Variants in CNTNAP3B observed in about 807,000 individuals in gnomAD.
The protein encoded by CNTNAP3B is contactin associated protein family member 3B.
CNTNAP3B carries 25 observed loss-of-function variants against 108.9 expected under a neutral mutation model. The ratio of observed to expected loss-of-function variants is 0.23; its 90% CI spans 0.17 to 0.32. The LOEUF (loss-of-function observed/expected upper bound fraction) is 0.32. Ranked by LOEUF, CNTNAP3B falls within the 10% of genes least tolerant of loss-of-function variation. The probability of loss-of-function intolerance (pLI) is 1.00; values close to 1 mark genes in which losing one functional copy is unlikely to be tolerated. For missense variants in CNTNAP3B, 252 were observed against 1,210.4 expected (o/e 0.21, Z 11.75); for synonymous variants, 103 against 473.4 (o/e 0.22, Z 10.16).
chr9:42,104,200 T>C (rs752249641), intron 2 of CNTNAP3B, among the ~76,000 whole-genome samples: 655 of 104,872 alleles, frequency 6.2e-3, no homozygotes, highest in East Asian at 8.5e-3. Flanking sequence ...TTCTTAAACG[T>C]TTCTTTACTT....
intron 13 of CNTNAP3B, among the ~76,000 whole-genome samples, chr9:41,947,261 T>C (rs1306826821): frequency 6.6e-6 from 1 of 151,994 alleles, no homozygotes; most frequent in East Asian, 1.9e-4. Flanking sequence ...ACCATATCCC[T>C]GGGAGCCAAA....
rs1489114718 is a variant in CNTNAP3B at position 42,111,522 on chromosome 9, A to C, written c.86-6783T>G. ...GCATAGACAGAGCTGCCCAAGAATG[A>C]GGCCAGTTGTAGATGAAAATAAAAC... On this transcript the variant is annotated intron_variant, in intron 1 of 23. Transcript: ENST00000377561. Among the ~76,000 whole-genome samples, 3 of 138,480 alleles carry C rather than the reference A, an allele frequency of 2.2e-5. 1 individual carries two copies. Among genetic ancestry groups the C allele is most frequent in the African/African-American group, 8.6e-5 (3 of 34,830 alleles). 90.8% of individuals were successfully genotyped at this position (138,480 alleles called of 152,430 possible). A position where few individuals can be genotyped will look rare whatever the true frequency, so the allele number is the denominator to read the frequency against.
In CNTNAP3B at chr9:42,106,157, A is replaced by G. The variant is rs370479233; in HGVS notation, c.86-1418T>C. 9.7e-3 allele frequency among the ~76,000 whole-genome samples: 24 copies of G among 2,486 alleles called. 1 individual carries two copies. The highest frequency in any genetic ancestry group is 0.054 in the Non-Finnish European group (13 of 240). 1.6% of individuals were successfully genotyped at this position (2,486 alleles called of 152,430 possible). On this transcript the variant is annotated intron_variant, in intron 1 of 23. Coordinates refer to ENST00000377561, the MANE Select transcript of CNTNAP3B (RefSeq NM_001201380.3). ...TACTGGAATTATATCTGCTTTTCTA[A>G]AAGCATGCATTACCATTAAGACAGT...
chr9:41,923,125 TC>T (rs1187205031), intron 16 of CNTNAP3B, among the ~76,000 whole-genome samples: 1 of 127,562 alleles, frequency 7.8e-6, no homozygotes, highest in Non-Finnish European at 1.7e-5. Context: ...CCTTGTTAAG[TC>T]CTAAATAGTA....
At chr9:41,961,313 C>T (rs1272342974) in intron 11 of CNTNAP3B, among the ~76,000 whole-genome samples, 1 of 152,294 alleles carries the variant, frequency 6.6e-6, no homozygotes, top group Non-Finnish European at 1.5e-5. Context: ...TTTTCTTTTG[C>T]TTTTAGGCAA....
Position 42,080,136 on chromosome 9 carries a change from C to T in CNTNAP3B, c.197-3074G>A, listed in dbSNP as rs577933884. 1.3e-4 allele frequency among the ~76,000 whole-genome samples: 18 copies of T among 134,880 alleles called. 2 individuals are homozygous for T. The East Asian group carries it at 2.3e-3, about 17-fold the overall frequency. 88.5% of individuals were successfully genotyped at this position (134,880 alleles called of 152,430 possible). The stretch of plus-strand genomic sequence containing the variant: ...GAGTTGACACGGTTCTGGTGTGCTA[C>T]CCTGGGATGGTGTGTTTTCATTAGA... On this transcript the variant is annotated intron_variant, in intron 2 of 23. Coordinates refer to ENST00000377561, the MANE Select transcript of CNTNAP3B (RefSeq NM_001201380.3).
intron 2 of CNTNAP3B, among the ~76,000 whole-genome samples, chr9:42,080,512 C>T (rs1330858667): frequency 7.3e-6 from 1 of 137,588 alleles, no homozygotes; most frequent in African/African-American, 2.9e-5. Flanking sequence ...CTGGATAGCA[C>T]TAATCTGTGT....
At chr9:41,977,239 T>A (rs1240745003) in intron 9 of CNTNAP3B, among the ~76,000 whole-genome samples, 2 of 151,522 alleles carry the variant, frequency 1.3e-5, no homozygotes, top group African/African-American at 4.9e-5. Context: ...ACCCTAAAGG[T>A]GATACTATAT....
At chr9:41,947,672 T>A (rs1824565194) in intron 13 of CNTNAP3B, among the ~76,000 whole-genome samples, 2 of 149,578 alleles carry the variant, frequency 1.3e-5, no homozygotes, top group Admixed American at 6.7e-5. Context: ...AGGAAGGAGA[T>A]AACAAAGAGA....
In CNTNAP3B at chr9:42,125,500, AG is replaced by A. The variant is rs1328744674; in HGVS notation, c.85+3509del. On this transcript the variant is annotated intron_variant, in intron 1 of 23. Transcript: ENST00000377561. ...TTGGACTGAATTGTTCAAAAAGAGAAGGGGAAAGGAAGAGGAAGAAGAATGC... is the reference window on the plus strand; with the variant it reads ...TTGGACTGAATTGTTCAAAAAGAGAAGGGAAAGGAAGAGGAAGAAGAATGC... 1.4e-5 allele frequency among the ~76,000 whole-genome samples: 2 copies of A among 140,582 alleles called. 1 individual carries two copies. The highest frequency in any genetic ancestry group is 4.3e-4 in the East Asian group (2 of 4,658). 92.2% of individuals were successfully genotyped at this position (140,582 alleles called of 152,430 possible).
intron 13 of CNTNAP3B, among the ~76,000 whole-genome samples, chr9:41,944,407 A>G (rs1380391049): frequency 6.6e-6 from 1 of 151,114 alleles, no homozygotes; most frequent in Non-Finnish European, 1.5e-5. Flanking sequence ...ACAAAATAAG[A>G]CAGAAGGATT....
chr9:41,929,787 C>T (rs1223336577), intron 14 of CNTNAP3B, among the ~76,000 whole-genome samples: 2 of 145,660 alleles, frequency 1.4e-5, no homozygotes, highest in South Asian at 2.2e-4. Flanking sequence ...TTTTATATGA[C>T]ATGAAATATT....
chr9:41,967,633 G>T (rs1278448617), intron 10 of CNTNAP3B, among the ~76,000 whole-genome samples: 1 of 152,298 alleles, frequency 6.6e-6, no homozygotes, highest in African/African-American at 2.4e-5. Context: ...GTATTTTCAG[G>T]TTTTCAAAAC....
intron 9 of CNTNAP3B, among the ~76,000 whole-genome samples, chr9:41,973,298 A>AG (rs747832329): frequency 7.1e-6 from 1 of 140,152 alleles, no homozygotes; most frequent in Admixed American, 7.2e-5. Context: ...AAAAAAAAAA[A>AG]CTAAAATAAA....
intron 7 of CNTNAP3B, chr9:41,994,080 A>C (rs1258496008): frequency 1.0e-4 from 14 of 134,432 alleles, no homozygotes; most frequent in African/African-American, 3.9e-4. Context: ...GTATATGAAA[A>C]CCTGTGTCTA....
intron 1 of CNTNAP3B, among the ~76,000 whole-genome samples, chr9:42,125,370 C>A (rs1268424562): frequency 2.8e-5 from 4 of 141,664 alleles, no homozygotes; most frequent in Middle Eastern, 6.9e-3. Context: ...CCCACCCTTG[C>A]TATACTGTGG....
rs1425322977 is a variant in CNTNAP3B, at chr9:42,033,296, C to A, written c.391-19771G>T. On this transcript the variant is annotated intron_variant, in intron 3 of 23. Coordinates refer to ENST00000377561, the MANE Select transcript of CNTNAP3B (RefSeq NM_001201380.3). ...AGATAAAATCTCATCCATCTTTGAGCAATAAACTAGAAGCAAATAAATATA... is the reference window on the plus strand; with the variant it reads ...AGATAAAATCTCATCCATCTTTGAGAAATAAACTAGAAGCAAATAAATATA... Among the ~76,000 whole-genome samples, 9 of 150,360 alleles carry A rather than the reference C, an allele frequency of 6.0e-5. No individual in the cohort carries two copies. In the South Asian group the frequency reaches 1.0e-3, roughly 17 times the overall value.
intron 2 of CNTNAP3B, among the ~76,000 whole-genome samples, chr9:42,094,046 A>C (rs1827849420): frequency 7.3e-6 from 1 of 136,084 alleles, no homozygotes; most frequent in South Asian, 2.4e-4. Context: ...CCAAAGTCAC[A>C]CAGCTAGTAA....
intron 2 of CNTNAP3B, among the ~76,000 whole-genome samples, chr9:42,101,850 ACATTGAGACCATCCGGGCCAG>A (rs1828008127): frequency 8.3e-6 from 1 of 119,870 alleles, no homozygotes; most frequent in Non-Finnish European, 1.7e-5. Flanking sequence ...CGAGGTCAGG[ACATTGAGACCATCCGGGCCAG>A]CATGGTGAAA....
Sources: allele counts gnomAD v4.1 joint callset (sites outside exome capture counted in the v4.1 genomes callset), GRCh38; gene constraint gnomAD v4.1.1; transcripts MANE v1.5; gene names NCBI Gene and HGNC (gene_info 2026-07-23, HGNC 2026-07-21).